Variants in RYR2 observed in about 807,000 individuals in gnomAD.
The protein encoded by RYR2 is ryanodine receptor 2, also known as cardiac muscle ryanodine receptor-calcium release channel.
RYR2 carries 227 observed loss-of-function variants against 601.1 expected under a neutral mutation model. The ratio of observed to expected loss-of-function variants is 0.38; its 90% CI spans 0.34 to 0.42. The LOEUF (loss-of-function observed/expected upper bound fraction) is 0.42. Ranked by LOEUF, RYR2 falls within the 10% of genes least tolerant of loss-of-function variation. The pLI, the probability that RYR2 is intolerant of heterozygous loss-of-function variation, is 1.00. For synonymous variants in RYR2, 2,223 were observed against 2,175.1 expected, an observed-to-expected ratio of 1.02 and a Z score of -0.61; for missense variants, 4,646 against 6,156.5, an observed-to-expected ratio of 0.75 and a Z score of 8.21.
chr1:237,403,475 G>A (rs1008450823), intron 10 of RYR2, among the ~76,000 whole-genome samples: 2 of 152,164 alleles, frequency 1.3e-5, no homozygotes, highest in African/African-American at 4.8e-5. Flanking sequence ...CTAGAGTGCA[G>A]TGGTGTGATC....
At position 237,227,720 on chromosome 1, in the gene RYR2, C is replaced by T. The variant is rs534499919; in HGVS notation, c.49-42777C>T. ...GGTGTGAGCGTGCCCTGTGATGGGA[C>T]GGCGGCCTGCCCAGGGCGGGTTCTT... On this transcript the variant is annotated intron_variant, in intron 1 of 104. Coordinates refer to ENST00000366574, the MANE Select transcript of RYR2 (RefSeq NM_001035.3). Among the ~76,000 whole-genome samples, 133 of 152,232 alleles carry T rather than the reference C, an allele frequency of 8.7e-4. 1 individual carries two copies. The highest frequency in any genetic ancestry group is 1.7e-3 in the African/African-American group (71 of 41,558).
At chr1:237,222,955 C>T (rs1002017087) in intron 1 of RYR2, among the ~76,000 whole-genome samples, 4 of 152,060 alleles carry the variant, frequency 2.6e-5, no homozygotes, top group African/African-American at 7.2e-5. Flanking sequence ...ATCCCAGCTA[C>T]GCACGCAGGA....
intron 2 of RYR2, among the ~76,000 whole-genome samples, chr1:237,321,841 CAACATGAGA>C (rs1283711022): frequency 1.3e-5 from 2 of 152,130 alleles, no homozygotes; most frequent in Non-Finnish European, 1.5e-5. Flanking sequence ...GAAAATATCT[CAACATGAGA>C]AACATGAGGC....
Position 237,725,776 on chromosome 1 carries a change from G to A in RYR2, c.10690-497G>A, listed in dbSNP as rs1690142947. Among the ~76,000 whole-genome samples the A allele has an allele frequency of 3.3e-5, 5 of 151,988 alleles. No homozygotes were observed. In the South Asian group the frequency reaches 1.0e-3, roughly 32 times the overall value. The stretch of plus-strand genomic sequence containing the variant: ...CCTGCCAAATGATAAGCTTCCTGGT[G>A]GCAGGAACCCTTTTTGTTGGATTTT... On this transcript the variant is annotated intron_variant, in intron 74 of 104. Transcript: ENST00000366574.
At chr1:237,272,337 G>T (rs973187693) in intron 2 of RYR2, among the ~76,000 whole-genome samples, 2 of 151,666 alleles carry the variant, frequency 1.3e-5, no homozygotes, top group African/African-American at 4.8e-5. Flanking sequence ...AAAAAATAGA[G>T]GGGGGAAGCA....
chr1:237,599,407 A>C (rs978860918), intron 34 of RYR2, among the ~76,000 whole-genome samples: 1 of 152,208 alleles, frequency 6.6e-6, no homozygotes, highest in Non-Finnish European at 1.5e-5. Context: ...GTTAAAACTA[A>C]TACATTCAGT....
chr1:237,384,781 T>G (rs527632830), intron 8 of RYR2, among the ~76,000 whole-genome samples: 7 of 152,304 alleles, frequency 4.6e-5, no homozygotes, highest in Middle Eastern at 3.4e-3. Flanking sequence ...CTGCTCTCAT[T>G]TTGTTGTCTG....
At chr1:237,597,117 T>C (rs1675975251) in intron 34 of RYR2, among the ~76,000 whole-genome samples, 1 of 152,192 alleles carries the variant, frequency 6.6e-6, no homozygotes, top group Non-Finnish European at 1.5e-5. Context: ...ACTGCAGTAC[T>C]GAAATGGTGC....
chr1:237,307,462 T>C (rs1426710779), intron 2 of RYR2, among the ~76,000 whole-genome samples: 1 of 152,246 alleles, frequency 6.6e-6, no homozygotes, highest in Non-Finnish European at 1.5e-5. Context: ...CACATTATTG[T>C]ACATTATTGT....
intron 22 of RYR2, among the ~76,000 whole-genome samples, chr1:237,506,040 G>A (rs1665190199): frequency 6.6e-6 from 1 of 152,096 alleles, no homozygotes; most frequent in Non-Finnish European, 1.5e-5. Context: ...CTTTACTCTG[G>A]CTAATGAATG....
In RYR2 at chr1:237,792,241, A is replaced by C. The variant is rs1401650125; in HGVS notation, c.13700A>C (p.Tyr4567Ser). The C allele has an allele frequency of 6.2e-7, 1 of 1,613,794 alleles. No individual in the cohort carries two copies. Among genetic ancestry groups the C allele is most frequent in the East Asian group, 2.2e-5 (1 of 44,874 alleles). The change falls in exon 94 of 105, where the codon TAC becomes TCC. Residue 4567 changes from tyrosine to serine, a missense_variant. Tyr to Ser is a moderately radical substitution (Grantham distance 144). This residue lies in a region of RYR2 where 364 missense variants were observed against 442.9 expected (regional missense o/e 0.82). Transcript: ENST00000366574. ...VHYVLEESSGYMEPTLRILAI... is the reference protein window; with the variant it reads ...VHYVLEESSGSMEPTLRILAI... ...TATGTACTAGAGGAGAGCAGCGGCT[A>C]CATGGAGCCCACGTTGCGTATCTTA...
chr1:237,149,957 A>T (rs1674525258), intron 1 of RYR2, among the ~76,000 whole-genome samples: 1 of 152,218 alleles, frequency 6.6e-6, no homozygotes, highest in South Asian at 2.1e-4. Context: ...TTGTGTTATA[A>T]GATGAGTTTG....
In RYR2 at chr1:237,326,801, T is replaced by C. The variant is rs1477273893; in HGVS notation, c.169-4077T>C. ...GCCTCTACTCCCCATGTTTGTAAAA[T>C]GTTTTACCTTATCTTCCATTCCTGG... On this transcript the variant is annotated intron_variant, in intron 2 of 104. Coordinates refer to ENST00000366574, the MANE Select transcript of RYR2 (RefSeq NM_001035.3). Among the ~76,000 whole-genome samples, 31 of 152,220 alleles carry C rather than the reference T, an allele frequency of 2.0e-4. 1 individual carries two copies. Among genetic ancestry groups the C allele is most frequent in the Admixed American group, 1.9e-3 (29 of 15,282 alleles).
chr1:237,475,238 C>T (rs1254019969), intron 17 of RYR2, among the ~76,000 whole-genome samples: 1 of 152,198 alleles, frequency 6.6e-6, no homozygotes, highest in Non-Finnish European at 1.5e-5. Context: ...TGATCTTAAT[C>T]ACCCCACTGT....
intron 93 of RYR2, chr1:237,791,889 AT>A: frequency 1.7e-6 from 1 of 588,778 alleles, no homozygotes; most frequent in Non-Finnish European, 3.0e-6. Context: ...AATCCTCAGA[AT>A]TTTTGGTTGA....
rs1348008748 is a variant in RYR2, at chr1:237,660,027, T to A, written c.8251T>A (p.Ser2751Thr). ...WIYGEIYSDS[S>T]KVQPLMKPYK... is the part of the protein sequence containing the mutation. ...TTATGGAGAAATATATTCAGACTCT[T>A]CTAAGGTTCAGCCATTAATGAAGCC... The change falls in exon 55 of 105, where the codon TCT becomes ACT. Residue 2751 changes from serine to threonine, a missense_variant. Ser to Thr is a moderately conservative substitution (Grantham distance 58). Around this residue, in one of 17 missense-constraint regions of RYR2, gnomAD observed 1,497 missense variants for 1,842.6 expected, o/e 0.81. Transcript: ENST00000366574. 6.3e-7 allele frequency: 1 copy of A among 1,590,970 alleles called. No individual in the cohort carries two copies. Among genetic ancestry groups the A allele is most frequent in the Non-Finnish European group, 8.5e-7 (1 of 1,171,600 alleles).
chr1:237,547,388 TC>T (rs1280309911), intron 25 of RYR2, among the ~76,000 whole-genome samples: 4 of 152,202 alleles, frequency 2.6e-5, no homozygotes, highest in Non-Finnish European at 4.4e-5. Flanking sequence ...TAGTGAACGT[TC>T]TTGAGTTGAA....
chr1:237,663,832 T>C (rs1684036314), intron 56 of RYR2, among the ~76,000 whole-genome samples: 1 of 152,218 alleles, frequency 6.6e-6, no homozygotes, highest in African/African-American at 2.4e-5. Flanking sequence ...GGAAATTTAC[T>C]GTCCACTTAG....
chr1:237,522,578 G>A (rs964131261), intron 24 of RYR2, among the ~76,000 whole-genome samples: 2 of 152,114 alleles, frequency 1.3e-5, no homozygotes, highest in Non-Finnish European at 1.5e-5. Flanking sequence ...GTACTCCACC[G>A]ACCATATGTT....
Sources: gnomAD v4.1 joint callset for allele counts (sites outside exome capture counted in the v4.1 genomes callset) on GRCh38, gnomAD v4.1.1 for gene constraint, gnomAD v4.1.1 regional missense constraint, MANE v1.5 for transcripts, NCBI Gene and HGNC (gene_info 2026-07-23, HGNC 2026-07-21) for gene names.